Variants in EYS observed in about 807,000 individuals in gnomAD.
EYS encodes the protein EGF-like photoreceptor maintenance factor.
A neutral mutation model predicts 282.1 loss-of-function variants in EYS; 250 were observed. The ratio of observed to expected loss-of-function variants is 0.89; its 90% CI spans 0.80 to 0.98. The LOEUF (loss-of-function observed/expected upper bound fraction) is 0.98. Ranked by LOEUF, EYS falls within the 50% of genes least tolerant of loss-of-function variation. The pLI is 0.00. For missense variants in EYS, 4,016 were observed against 3,709.0 expected, an observed-to-expected ratio of 1.08 and a Z score of -2.15; for synonymous variants, 1,355 against 1,282.9, an observed-to-expected ratio of 1.06 and a Z score of -1.20.
intron 22 of EYS, among the ~76,000 whole-genome samples, chr6:64,766,741 TCA>T (rs1460007741): frequency 1.4e-5 from 2 of 140,872 alleles, no homozygotes; most frequent in African/African-American, 5.2e-5. Flanking sequence ...CGAGATGATT[TCA>T]CAGACAAACT....
rs73438987 is a variant in EYS at position 64,666,867 on chromosome 6, A to G, written c.3444-40622T>C. Among the ~76,000 whole-genome samples, 666 of 152,274 alleles carry G rather than the reference A, an allele frequency of 4.4e-3. 4 individuals carry two copies. The highest frequency in any genetic ancestry group is 0.015 in the African/African-American group (614 of 41,556). On this transcript the variant is annotated intron_variant, in intron 22 of 42. Transcript: ENST00000503581. ...ATTATTTTTTTCTTATTTCATCCTC[A>G]TCAGTCGACTCCTTTGAGAGTGTTT...
Position 64,081,840 on chromosome 6 carries a change from A to C in EYS, c.6571+16T>G. On this transcript the variant is annotated intron_variant, in intron 32 of 42. Coordinates refer to ENST00000503581, the MANE Select transcript of EYS (RefSeq NM_001142800.2). ...AAGAAACATGACATACAAGAAGTCA[A>C]ACATTTAATACTCACTGTAAAGAAT... The C allele has an allele frequency of 6.8e-7, 1 of 1,466,532 alleles. No individual in the cohort carries two copies. Among genetic ancestry groups the C allele is most frequent in the Non-Finnish European group, 9.2e-7 (1 of 1,092,438 alleles). 90.8% of individuals were successfully genotyped at this position (1,466,532 alleles called of 1,614,324 possible). A position where few individuals can be genotyped will look rare whatever the true frequency, so the allele number is the denominator to read the frequency against.
At chr6:64,089,239 CA>C (rs1772268370) in intron 31 of EYS, among the ~76,000 whole-genome samples, 1 of 150,790 alleles carries the variant, frequency 6.6e-6, no homozygotes. Flanking sequence ...TGAATATCAC[CA>C]GTTTATAAGT....
intron 15 of EYS, among the ~76,000 whole-genome samples, chr6:64,935,870 G>A (rs572100878): frequency 9.9e-5 from 15 of 151,722 alleles, no homozygotes; most frequent in African/African-American, 3.6e-4. Flanking sequence ...TTTACCAAAT[G>A]TTTACAGAAT....
At chr6:64,532,365 T>A (rs1040448076) in intron 26 of EYS, among the ~76,000 whole-genome samples, 1 of 152,116 alleles carries the variant, frequency 6.6e-6, no homozygotes, top group African/African-American at 2.4e-5. Flanking sequence ...GCAGATTAGG[T>A]TAAATCAGGC....
chr6:63,730,958 T>G (rs1768767248), intron 41 of EYS, among the ~76,000 whole-genome samples: 1 of 152,088 alleles, frequency 6.6e-6, no homozygotes, highest in Non-Finnish European at 1.5e-5. Flanking sequence ...GAGGCAGAGG[T>G]TGCAGTGAGT....
chr6:63,989,552 T>C (rs911921433), intron 34 of EYS, among the ~76,000 whole-genome samples: 10 of 151,680 alleles, frequency 6.6e-5, no homozygotes, highest in East Asian at 1.9e-4. Flanking sequence ...TCTATGTTAA[T>C]ATATATTTTT....
At chr6:64,641,153 T>G (rs1438803519) in intron 22 of EYS, among the ~76,000 whole-genome samples, 2 of 152,192 alleles carry the variant, frequency 1.3e-5, no homozygotes, top group Non-Finnish European at 2.9e-5. Flanking sequence ...TAATTGGACT[T>G]ACAGTTCCAT....
chr6:65,467,504 A>AAC (rs5876966), intron 5 of EYS, among the ~76,000 whole-genome samples: 28,059 of 150,576 alleles, frequency 0.19, 3,163 homozygotes, highest in Middle Eastern at 0.29. Flanking sequence ...TGACTATTTA[A>AAC]ACACACACAC....
intron 31 of EYS, among the ~76,000 whole-genome samples, chr6:64,089,082 T>C (rs1399919655): frequency 1.3e-5 from 2 of 152,084 alleles, no homozygotes; most frequent in East Asian, 1.9e-4. Context: ...GAGTAGTTTT[T>C]CACCTTCCCC....
At chr6:64,166,904 G>A (rs554246558) in intron 31 of EYS, among the ~76,000 whole-genome samples, 1 of 152,212 alleles carries the variant, frequency 6.6e-6, no homozygotes, top group African/African-American at 2.4e-5. Flanking sequence ...ACACAATAAT[G>A]TGCTATTCCT....
At chr6:65,426,277 C>A (rs746896819) in intron 5 of EYS, among the ~76,000 whole-genome samples, 1 of 152,018 alleles carries the variant, frequency 6.6e-6, no homozygotes, top group Non-Finnish European at 1.5e-5. Context: ...CTACAGATAG[C>A]CAAAATTCTA....
At chr6:65,475,504 T>C (rs11964137) in intron 5 of EYS, among the ~76,000 whole-genome samples, 6,046 of 152,234 alleles carry the variant, frequency 0.04, 370 homozygotes, top group African/African-American at 0.13. Flanking sequence ...TCAAGGATAT[T>C]TATTTGAAAA....
intron 27 of EYS, 113 bp downstream of exon 27, chr6:64,439,049 G>T: frequency 2.1e-6 from 1 of 469,562 alleles, no homozygotes; most frequent in Non-Finnish European, 3.6e-6. Context: ...CATCCTGGTG[G>T]TGAGTATAAT....
chr6:65,184,743 T>C (rs916011729), intron 12 of EYS, among the ~76,000 whole-genome samples: 1 of 151,608 alleles, frequency 6.6e-6, no homozygotes, highest in African/African-American at 2.4e-5. Flanking sequence ...ATTCAGTCTC[T>C]GGAAAAAAGT....
intron 31 of EYS, among the ~76,000 whole-genome samples, chr6:64,129,548 A>G (rs1279444627): frequency 3.3e-5 from 5 of 152,136 alleles, no homozygotes; most frequent in Non-Finnish European, 5.9e-5. Context: ...TCAGATGAGT[A>G]GATTGCAAAA....
chr6:64,178,580 C>A (rs1236038828), intron 31 of EYS, among the ~76,000 whole-genome samples: 1 of 151,988 alleles, frequency 6.6e-6, no homozygotes, highest in African/African-American at 2.4e-5. Context: ...TGAGCATCAT[C>A]TCCTTACTCT....
chr6:65,607,789 G>T (rs1765853118), intron 2 of EYS, among the ~76,000 whole-genome samples: 1 of 151,840 alleles, frequency 6.6e-6, no homozygotes, highest in Non-Finnish European at 1.5e-5. Context: ...TTTCAGAATT[G>T]ATATTCACAG....
chr6:64,594,592 C>CA (rs1384923219), intron 24 of EYS, among the ~76,000 whole-genome samples: 1 of 148,002 alleles, frequency 6.8e-6, no homozygotes, highest in African/African-American at 2.5e-5. Flanking sequence ...ATCGCAAGGA[C>CA]AAAAAACCAA....
Sources: allele counts gnomAD v4.1 joint callset (sites outside exome capture counted in the v4.1 genomes callset), GRCh38; gene constraint gnomAD v4.1.1; transcripts MANE v1.5; gene names NCBI Gene and HGNC (gene_info 2026-07-23, HGNC 2026-07-21).